FAM20C: variants seen among roughly 807,000 people sequenced by gnomAD.
FAM20C encodes the protein FAM20C golgi associated secretory pathway kinase, also known as extracellular serine/threonine protein kinase FAM20C.
FAM20C carries 40 observed loss-of-function variants against 51.5 expected under a neutral mutation model. That is an observed-to-expected ratio of 0.78 (90% CI 0.60 to 1.01). The LOEUF (loss-of-function observed/expected upper bound fraction) is 1.01. FAM20C is among the 50% of genes least tolerant of loss of function. FAM20C has a pLI of 0.00. For synonymous variants in FAM20C, 406 were observed against 380.6 expected, an observed-to-expected ratio of 1.07 and a Z score of -0.78; for missense variants, 861 against 844.7, an observed-to-expected ratio of 1.02 and a Z score of -0.24.
intron 3 of FAM20C, among the ~76,000 whole-genome samples, chr7:242,405 T>C: frequency 6.6e-6 from 1 of 151,848 alleles, no homozygotes; most frequent in Admixed American, 6.5e-5. Context: ...TTCCAGAGGG[T>C]CTTCCTGGAG....
intron 3 of FAM20C, among the ~76,000 whole-genome samples, chr7:211,844 G>A (rs374757973): frequency 1.3e-5 from 2 of 152,234 alleles, no homozygotes; most frequent in African/African-American, 4.8e-5. Context: ...CACAGGGCAC[G>A]TGGCGGGCGG....
At chr7:246,604 T>A (rs1252686249) in intron 4 of FAM20C, 97 bp downstream of exon 4, 16 of 529,660 alleles carry the variant, frequency 3.0e-5, no homozygotes, top group African/African-American at 3.9e-5. Context: ...GACGTCATCG[T>A]CACCTTCGTC....
intron 3 of FAM20C, among the ~76,000 whole-genome samples, chr7:232,119 G>A (rs924784746): frequency 3.9e-5 from 6 of 152,220 alleles, no homozygotes; most frequent in Non-Finnish European, 7.3e-5. Flanking sequence ...CTCGGCCGCC[G>A]GCCCAGCTGG....
Position 229,095 on chromosome 7 carries a change from G to A in FAM20C, c.864-17320G>A, listed in dbSNP as rs537194250. On this transcript the variant is annotated intron_variant, in intron 3 of 9. Transcript: ENST00000313766. ...GGGGCCACTCTAGGACCAGAAGCAGGGAAATGTCCCACCCAGGAGGGGCCC... is the reference window on the plus strand; with the variant it reads ...GGGGCCACTCTAGGACCAGAAGCAGAGAAATGTCCCACCCAGGAGGGGCCC... 3.6e-4 allele frequency: 121 copies of A among 340,102 alleles called. 1 individual carries two copies. Among genetic ancestry groups the A allele is most frequent in the Non-Finnish European group, 6.4e-4 (109 of 171,440 alleles). The allele number at this position is 340,102 out of a possible 1,614,324, so 21.1% of individuals were successfully genotyped here. A position where few individuals can be genotyped will look rare whatever the true frequency, so the allele number is the denominator to read the frequency against.
chr7:195,540 G>C lies in FAM20C; in HGVS notation c.606-14G>C. The C allele has an allele frequency of 2.6e-6, 4 of 1,534,986 alleles. No homozygotes were observed. Among genetic ancestry groups the C allele is most frequent in the East Asian group, 2.4e-5 (1 of 41,490 alleles). Reference sequence around the variant, plus strand: ...TCTTTCCATGCTGATGTTCGTCCTCGCTGCTCCCTGCAGGCCGCATGCGGG... The same window carrying C: ...TCTTTCCATGCTGATGTTCGTCCTCCCTGCTCCCTGCAGGCCGCATGCGGG... On this transcript the variant is annotated splice_polypyrimidine_tract_variant and intron_variant, in intron 1 of 9. Transcript: ENST00000313766.
At chr7:257,109 ACACCCAGGG>A (rs1293576185) in intron 8 of FAM20C, 23 bp downstream of exon 8, 6 of 1,535,258 alleles carry the variant, frequency 3.9e-6, no homozygotes, top group Admixed American at 3.9e-5. Context: ...TCGCCCCTGC[ACACCCAGGG>A]AAGGGCCGGC....
rs535297903 is a variant in FAM20C at position 257,943 on chromosome 7, C to G, written c.1446-703C>G. 3.3e-3 allele frequency among the ~76,000 whole-genome samples: 178 copies of G among 54,160 alleles called. 12 individuals are homozygous for G. Among genetic ancestry groups the G allele is most frequent in the African/African-American group, 9.6e-3 (115 of 11,960 alleles). 35.5% of individuals were successfully genotyped at this position (54,160 alleles called of 152,430 possible). On this transcript the variant is annotated intron_variant, in intron 8 of 9. Transcript: ENST00000313766. ...ACACTGCCTGGGGTGCTGGAGATGC[C>G]CGGGGTGGACCCACTGCCTGAGGTG...
intron 2 of FAM20C, among the ~76,000 whole-genome samples, chr7:200,725 G>A (rs972456233): frequency 2.0e-5 from 3 of 152,194 alleles, no homozygotes; most frequent in East Asian, 1.9e-4. Context: ...CGGTTCTGGC[G>A]AAAGTGTCCT....
chr7:204,966 C>T (rs547298192), intron 2 of FAM20C, among the ~76,000 whole-genome samples: 20 of 152,376 alleles, frequency 1.3e-4, no homozygotes, highest in South Asian at 1.2e-3. Flanking sequence ...TGAGCCCCCA[C>T]GCCACTGCTG....
chr7:205,023 C>G (rs997323853), intron 2 of FAM20C, among the ~76,000 whole-genome samples: 2 of 152,248 alleles, frequency 1.3e-5, no homozygotes, highest in Admixed American at 1.3e-4. Context: ...AAGGGTGGTC[C>G]TGGATGAGGC....
At chr7:208,838 C>A in intron 2 of FAM20C, 60 bp from the exon 3 acceptor site, 2 of 1,517,954 alleles carry the variant, frequency 1.3e-6, no homozygotes, top group South Asian at 1.2e-5. Context: ...CTCGTCCGCA[C>A]AGGAGAAGAA....
At chr7:208,807 C>G in intron 2 of FAM20C, 91 bp from the exon 3 acceptor site, 3 of 1,340,564 alleles carry the variant, frequency 2.2e-6, no homozygotes, top group Non-Finnish European at 3.1e-6. Flanking sequence ...GCCCAGAGGA[C>G]CCGGATTGCA....
chr7:256,127 G>T, intron 6 of FAM20C, 98 bp downstream of exon 6: 1 of 1,412,312 alleles, frequency 7.1e-7, no homozygotes, highest in South Asian at 1.3e-5. Context: ...GGGGGTGGCA[G>T]AGATGGGTGC....
intron 3 of FAM20C, among the ~76,000 whole-genome samples, chr7:214,127 A>T (rs1583297546): frequency 1.3e-5 from 2 of 152,126 alleles, no homozygotes; most frequent in African/African-American, 2.4e-5. Context: ...GGAGTTCAAG[A>T]CCAGCCTGAC....
At chr7:215,042 T>C (rs536225423) in intron 3 of FAM20C, among the ~76,000 whole-genome samples, 2 of 151,948 alleles carry the variant, frequency 1.3e-5, no homozygotes, top group Non-Finnish European at 2.9e-5. Context: ...GCCTAAACAC[T>C]CCTCGTCACT....
intron 3 of FAM20C, among the ~76,000 whole-genome samples, chr7:209,177 C>G (rs546422255): frequency 6.6e-6 from 1 of 152,338 alleles, no homozygotes; most frequent in African/African-American, 2.4e-5. Context: ...GCCTCCCCAC[C>G]TCCTCCCTTT....
intron 3 of FAM20C, among the ~76,000 whole-genome samples, chr7:232,103 T>G (rs1036518068): frequency 6.6e-6 from 1 of 152,174 alleles, no homozygotes; most frequent in African/African-American, 2.4e-5. Flanking sequence ...GACGCCCCTT[T>G]CCCTGCTCGG....
chr7:226,053 C>T (rs28614471), intron 3 of FAM20C, among the ~76,000 whole-genome samples: 93,597 of 132,368 alleles, frequency 0.71, 34,437 homozygotes, highest in East Asian at 0.79. Flanking sequence ...TCCATGAGAC[C>T]GGATGGGAGA....
At chr7:216,916 G>C (rs920394868) in intron 3 of FAM20C, among the ~76,000 whole-genome samples, 1 of 152,062 alleles carries the variant, frequency 6.6e-6, no homozygotes, top group Admixed American at 6.5e-5. Context: ...GCCTGTCTCC[G>C]GGCAGCAGAG....
Sources: gnomAD v4.1 joint callset for allele counts (sites outside exome capture counted in the v4.1 genomes callset) on GRCh38, gnomAD v4.1.1 for gene constraint, MANE v1.5 for transcripts, NCBI Gene and HGNC (gene_info 2026-07-23, HGNC 2026-07-21) for gene names.